Variants in PIK3CD observed in about 807,000 individuals in gnomAD.
The protein encoded by PIK3CD is phosphatidylinositol-4,5-bisphosphate 3-kinase catalytic subunit delta, also known as phosphatidylinositol 4,5-bisphosphate 3-kinase catalytic subunit delta isoform.
A neutral mutation model predicts 122.9 loss-of-function variants in PIK3CD; 20 were observed. The ratio of observed to expected loss-of-function variants is 0.16; its 90% CI spans 0.11 to 0.24. The LOEUF (loss-of-function observed/expected upper bound fraction) is 0.24, where lower values mean the gene tolerates loss of function less well. Among genes scored for constraint, PIK3CD ranks in the 10% least tolerant of loss-of-function variants. PIK3CD has a pLI of 1.00. For missense variants in PIK3CD, 787 were observed against 1,406.3 expected (o/e 0.56, Z 7.04); for synonymous variants, 596 against 593.4 (o/e 1.00, Z -0.06).
At chr1:9,639,760 C>T in the PIK3CD span, among the ~76,000 whole-genome samples, 1,093 of 152,258 alleles carry the variant, frequency 7.2e-3, 24 homozygotes, top group Admixed American at 0.045. Flanking sequence ...GACAGAGGCT[C>T]GCTCTGTCAT....
intron 1 of PIK3CD, chr1:9,672,431 T>A (rs760887378): frequency 3.3e-5 from 5 of 151,636 alleles, no homozygotes; most frequent in Admixed American, 1.3e-4. Flanking sequence ...CGAGATTATT[T>A]ATTTATTTAT....
Position 9,704,720 on chromosome 1 carries a change from G to A in PIK3CD, c.-32-5704G>A, listed in dbSNP as rs749831775. 6.6e-6 allele frequency among the ~76,000 whole-genome samples: 1 copy of A among 152,118 alleles called. No homozygotes were observed. Among genetic ancestry groups the A allele is most frequent in the Admixed American group, 6.5e-5 (1 of 15,274 alleles). On this transcript the variant is annotated intron_variant, in intron 2 of 23. Transcript: ENST00000377346. The surrounding 1 kb of genome is among the most constrained non-coding windows in gnomAD (Gnocchi z 5.0). The stretch of plus-strand genomic sequence containing the variant: ...TAGAGACAGGGTTTTACCATGTTTC[G>A]CAGGCTGGTCACCAATGCCTGAGCT...
chr1:9,628,997 G>A, the PIK3CD span, among the ~76,000 whole-genome samples: 1 of 152,170 alleles, frequency 6.6e-6, no homozygotes, highest in South Asian at 2.1e-4. Context: ...GGGCGAGGGG[G>A]CTTCATGACC....
the PIK3CD span, among the ~76,000 whole-genome samples, chr1:9,644,536 T>TAAATAAA: frequency 6.6e-6 from 1 of 151,352 alleles, no homozygotes; most frequent in Non-Finnish European, 1.5e-5. Context: ...AATAAATAAA[T>TAAATAAA]AAATAAATAA....
intron 15 of PIK3CD, 22 bp downstream of exon 15, chr1:9,721,609 G>A (rs781415262): frequency 8.7e-6 from 14 of 1,611,958 alleles, no homozygotes; most frequent in Middle Eastern, 1.9e-4. Flanking sequence ...TGCCCCAGCC[G>A]TTCTGTGGGA....
chr1:9,703,555 G>A (rs1173696056), intron 2 of PIK3CD, among the ~76,000 whole-genome samples: 1 of 152,182 alleles, frequency 6.6e-6, no homozygotes, highest in East Asian at 1.9e-4. Context: ...TGCCACCATA[G>A]ATTTATTAAT....
At chr1:9,674,095 TA>T (rs986665213) in intron 1 of PIK3CD, among the ~76,000 whole-genome samples, 19 of 152,164 alleles carry the variant, frequency 1.2e-4, no homozygotes, top group African/African-American at 4.1e-4. Flanking sequence ...GGAGTCAGGG[TA>T]AGTCGTAGGG....
the PIK3CD span, among the ~76,000 whole-genome samples, chr1:9,636,418 T>C: frequency 6.6e-6 from 1 of 152,224 alleles, no homozygotes. Flanking sequence ...GGTCTTGAAC[T>C]CCTGGCCTCA....
intron 1 of PIK3CD, among the ~76,000 whole-genome samples, chr1:9,685,286 T>G (rs1449775652): frequency 6.6e-6 from 1 of 152,174 alleles, no homozygotes. Flanking sequence ...AAAGCAAACA[T>G]GTAACTGGTT....
chr1:9,659,526 CT>C (rs1291125437), intron 1 of PIK3CD, among the ~76,000 whole-genome samples: 1 of 152,166 alleles, frequency 6.6e-6, no homozygotes, highest in East Asian at 1.9e-4. Flanking sequence ...TTCTTTTCCC[CT>C]TAAACACTAA....
At chr1:9,697,804 G>A (rs1489314625) in intron 2 of PIK3CD, among the ~76,000 whole-genome samples, 2 of 152,046 alleles carry the variant, frequency 1.3e-5, no homozygotes, top group Admixed American at 6.6e-5. Flanking sequence ...ACTGAGGCGG[G>A]TGGAGCACTT....
chr1:9,722,632 C>T lies in PIK3CD; in HGVS notation c.2426+26C>T. ...GTGAGGACCCCCACCCCACATCGTC[C>T]CTTGGTGTCTGTGCCCAGCCTGGGA... On this transcript the variant is annotated intron_variant, in intron 19 of 23. Coordinates refer to ENST00000377346, the MANE Select transcript of PIK3CD (RefSeq NM_005026.5). This position sits in a 1 kb window ranked among gnomAD's most constrained non-coding sequence, Gnocchi z 7.6. 1 of 1,592,304 alleles carries T rather than the reference C, an allele frequency of 6.3e-7. No individual in the cohort carries two copies. Among genetic ancestry groups the T allele is most frequent in the Non-Finnish European group, 8.6e-7 (1 of 1,160,538 alleles).
chr1:9,695,746 GC>G (rs1646387706), intron 2 of PIK3CD, among the ~76,000 whole-genome samples: 1 of 151,650 alleles, frequency 6.6e-6, no homozygotes, highest in Admixed American at 6.6e-5. Context: ...GGAGGCTGAG[GC>G]AGGAGAATCG....
chr1:9,653,016 A>C (rs1644725958), intron 1 of PIK3CD: 1 of 152,234 alleles, frequency 6.6e-6, no homozygotes, highest in Admixed American at 6.5e-5. Context: ...AGACTCCATC[A>C]AGGGGGCTTC....
intron 2 of PIK3CD, among the ~76,000 whole-genome samples, chr1:9,698,649 A>G (rs1227271664): frequency 6.6e-6 from 1 of 152,198 alleles, no homozygotes; most frequent in Non-Finnish European, 1.5e-5. Flanking sequence ...CTTTGTGTAT[A>G]TAGCTTTTTT....
chr1:9,659,106 G>A (rs772790042), intron 1 of PIK3CD, among the ~76,000 whole-genome samples: 4 of 148,656 alleles, frequency 2.7e-5, no homozygotes, highest in Non-Finnish European at 6.0e-5. Flanking sequence ...TAACTTAGTT[G>A]TAATTATGAG....
At position 9,710,572 on chromosome 1, in the gene PIK3CD, T is replaced by C; in HGVS notation, c.117T>C (p.Asn39=). 6.2e-7 allele frequency: 1 copy of C among 1,613,938 alleles called. No homozygotes were observed. The highest frequency in any genetic ancestry group is 8.5e-7 in the Non-Finnish European group (1 of 1,180,024). The stretch of plus-strand genomic sequence containing the variant: ...ACCTGAACTTCCCTGTGTCCCGCAA[T>C]GCCAACCTCAGCACCATCAAGCAGG... ...GVYLNFPVSR[N]ANLSTIKQLL... is the part of the protein sequence containing the mutation. The change falls in exon 3 of 24, where the codon AAT becomes AAC. Residue 39 remains asparagine (N), a synonymous_variant. Transcript: ENST00000377346. This position sits in a 1 kb window ranked among gnomAD's most constrained non-coding sequence, Gnocchi z 4.7.
chr1:9,679,415 C>T (rs1291704064), intron 1 of PIK3CD, among the ~76,000 whole-genome samples: 1 of 152,112 alleles, frequency 6.6e-6, no homozygotes, highest in Non-Finnish European at 1.5e-5. Context: ...GTTGACTTCT[C>T]ATGCTGGGCC....
At position 9,727,361 on chromosome 1, in the gene PIK3CD, G is replaced by A. The variant is rs115660954; in HGVS notation, c.*315G>A. On this transcript the variant is annotated 3_prime_UTR_variant, in exon 24 of 24. Transcript: ENST00000377346. ...GCCCAGCAAAGACTGTTCTCCTCCCGAGGGAACCTTCTTCCCAGGCCTCCC... is the reference window on the plus strand; with the variant it reads ...GCCCAGCAAAGACTGTTCTCCTCCCAAGGGAACCTTCTTCCCAGGCCTCCC... 325 of 459,422 alleles carry A rather than the reference G, an allele frequency of 7.1e-4. 3 individuals carry two copies. The highest frequency in any genetic ancestry group is 3.8e-3 in the African/African-American group (195 of 51,246). The allele number at this position is 459,422 out of a possible 1,614,324, so 28.5% of individuals were successfully genotyped here.
Sources: allele counts gnomAD v4.1 joint callset (sites outside exome capture counted in the v4.1 genomes callset), GRCh38; gene constraint gnomAD v4.1.1; non-coding constraint Gnocchi (gnomAD v3.1); transcripts MANE v1.5; gene names NCBI Gene and HGNC (gene_info 2026-07-23, HGNC 2026-07-21).